Variants in RCSD1 observed in about 807,000 individuals in gnomAD.
The protein encoded by RCSD1 is capZ-interacting protein.
A neutral mutation model predicts 42.5 loss-of-function variants in RCSD1; 26 were observed. That is an observed-to-expected ratio of 0.61 (90% CI 0.45 to 0.85). The LOEUF (loss-of-function observed/expected upper bound fraction) is 0.85, where lower values mean the gene tolerates loss of function less well. RCSD1 is among the 40% of genes least tolerant of loss of function. RCSD1 has a pLI of 0.00. For missense variants in RCSD1, 571 were observed against 528.3 expected, an observed-to-expected ratio of 1.08 and a Z score of -0.79; for synonymous variants, 220 against 212.2, an observed-to-expected ratio of 1.04 and a Z score of -0.32.
chr1:167,663,599 A>T (rs1040261784), intron 1 of RCSD1: 5 of 152,126 alleles, frequency 3.3e-5, no homozygotes, highest in Non-Finnish European at 5.9e-5. Flanking sequence ...GGTTCCAAAG[A>T]CTCCCATTTG....
intron 1 of RCSD1, among the ~76,000 whole-genome samples, chr1:167,660,134 C>T (rs184878875): frequency 2.4e-4 from 37 of 152,316 alleles, no homozygotes; most frequent in African/African-American, 8.2e-4. Flanking sequence ...GTGTGCCAAG[C>T]TCTGTGTTAA....
chr1:167,643,349 C>A (rs564948983), intron 1 of RCSD1, among the ~76,000 whole-genome samples: 1 of 152,152 alleles, frequency 6.6e-6, no homozygotes, highest in Non-Finnish European at 1.5e-5. Context: ...GCAAAGTGAA[C>A]CTTTCCAATA....
intron 1 of RCSD1, among the ~76,000 whole-genome samples, chr1:167,648,306 T>G (rs1658215226): frequency 6.6e-6 from 1 of 152,250 alleles, no homozygotes; most frequent in Non-Finnish European, 1.5e-5. Context: ...TCTTTTTCCT[T>G]CTTTTGAATT....
intron 1 of RCSD1, among the ~76,000 whole-genome samples, chr1:167,639,456 G>C (rs896854928): frequency 2.0e-5 from 3 of 152,042 alleles, no homozygotes; most frequent in Non-Finnish European, 4.4e-5. Flanking sequence ...AGGGTGGGTA[G>C]GGAGAAGAAC....
At chr1:167,692,506 A>G (rs1659397929) in intron 4 of RCSD1, among the ~76,000 whole-genome samples, 1 of 151,012 alleles carries the variant, frequency 6.6e-6, no homozygotes, top group Admixed American at 6.6e-5. Context: ...TACTCCCCAT[A>G]TGCCGCTTTT....
intron 1 of RCSD1, among the ~76,000 whole-genome samples, chr1:167,682,303 G>A (rs544065305): frequency 6.6e-6 from 1 of 151,958 alleles, no homozygotes; most frequent in South Asian, 2.1e-4. Flanking sequence ...CCAAGTAACT[G>A]AGATTACAGG....
In RCSD1 at chr1:167,707,207, C is replaced by G. The variant is rs1196591426; in HGVS notation, c.*2511C>G. ...CTTCAGTGGCCTCAGAACTCCAGGC[C>G]CCTCACGGAGATCACCCTGAACAAT... On this transcript the variant is annotated 3_prime_UTR_variant, in exon 7 of 7. Coordinates refer to ENST00000367854, the MANE Select transcript of RCSD1 (RefSeq NM_052862.4). 6.6e-6 allele frequency among the ~76,000 whole-genome samples: 1 copy of G among 152,134 alleles called. No individual in the cohort carries two copies. Among genetic ancestry groups the G allele is most frequent in the Non-Finnish European group, 1.5e-5 (1 of 68,032 alleles).
chr1:167,643,638 G>A (rs549757549), intron 1 of RCSD1, among the ~76,000 whole-genome samples: 1 of 152,016 alleles, frequency 6.6e-6, no homozygotes, highest in African/African-American at 2.4e-5. Flanking sequence ...CACACACAGA[G>A]AGCCATATGG....
intron 4 of RCSD1, among the ~76,000 whole-genome samples, chr1:167,692,512 CT>C (rs551268292): frequency 2.4e-4 from 36 of 148,068 alleles, no homozygotes; most frequent in Middle Eastern, 6.8e-3. Context: ...CCATATGCCG[CT>C]TTTTTTTTTA....
At chr1:167,640,982 AC>A (rs887772739) in intron 1 of RCSD1, among the ~76,000 whole-genome samples, 2 of 151,988 alleles carry the variant, frequency 1.3e-5, no homozygotes, top group African/African-American at 4.8e-5. Flanking sequence ...TATTATAACC[AC>A]CCCCCGAGCC....
chr1:167,687,704 C>CGAGGGA (rs1659270758), intron 3 of RCSD1, among the ~76,000 whole-genome samples: 1 of 152,176 alleles, frequency 6.6e-6, no homozygotes, highest in Non-Finnish European at 1.5e-5. Flanking sequence ...GTCAGGCTAC[C>CGAGGGA]CCTCGGTTCC....
chr1:167,630,392 T>C lies in RCSD1; in HGVS notation c.-32T>C. The C allele has an allele frequency of 1.3e-6, 2 of 1,508,960 alleles. No individual in the cohort carries two copies. The highest frequency in any genetic ancestry group is 1.8e-6 in the Non-Finnish European group (2 of 1,124,486). The allele number at this position is 1,508,960 out of a possible 1,614,324, so 93.5% of individuals were successfully genotyped here. On this transcript the variant is annotated 5_prime_UTR_variant, in exon 1 of 7. Transcript: ENST00000367854. ...GTGAGCTCCGGCCCGGGCGAGCGGG[T>C]GCGTCTGCCGCAGAGTCGGCACCTG...
intron 1 of RCSD1, among the ~76,000 whole-genome samples, chr1:167,683,519 AG>A (rs1364679591): frequency 6.6e-6 from 1 of 152,246 alleles, no homozygotes; most frequent in Non-Finnish European, 1.5e-5. Flanking sequence ...AGTTCAATAA[AG>A]GGCATTTGCT....
intron 3 of RCSD1, among the ~76,000 whole-genome samples, chr1:167,686,766 C>T (rs1050290712): frequency 6.6e-6 from 1 of 152,224 alleles, no homozygotes; most frequent in African/African-American, 2.4e-5. Flanking sequence ...ATCAACTTCT[C>T]CTTGTAACCT....
chr1:167,676,681 T>C (rs1658959983), intron 1 of RCSD1, among the ~76,000 whole-genome samples: 1 of 152,242 alleles, frequency 6.6e-6, no homozygotes. Context: ...CTCTTCTCTA[T>C]GGTCCCCTGC....
intron 5 of RCSD1, among the ~76,000 whole-genome samples, chr1:167,695,687 G>C (rs1659483683): frequency 6.6e-6 from 1 of 151,842 alleles, no homozygotes; most frequent in African/African-American, 2.4e-5. Context: ...ACCACACCTT[G>C]TTTTGTATTT....
chr1:167,694,098 G>T lies in RCSD1; in HGVS notation c.271-1G>T, dbSNP rs368944290. ...TGAAATTGTTCATCTTTTCTTGACA[G>T]GCCAATTTAACCTTTGACCCAGCTG... On this transcript the variant is annotated splice_acceptor_variant, in intron 4 of 6. Coordinates refer to ENST00000367854, the MANE Select transcript of RCSD1 (RefSeq NM_052862.4). LOFTEE classifies it high-confidence loss of function. 3.1e-6 allele frequency: 5 copies of T among 1,613,984 alleles called. No individual in the cohort carries two copies. Among genetic ancestry groups the T allele is most frequent in the African/African-American group, 1.3e-5 (1 of 74,924 alleles).
Position 167,704,707 on chromosome 1 carries a change from A to G in RCSD1, c.*11A>G, listed in dbSNP as rs747809389. On this transcript the variant is annotated 3_prime_UTR_variant, in exon 7 of 7. Transcript: ENST00000367854. ...GACACTAAAATGTGAAGAACAGCTC[A>G]TTGTGCCCCAGTGATGAAGTTGCTG... The G allele has an allele frequency of 5.6e-6, 9 of 1,610,192 alleles. No individual in the cohort carries two copies. Among genetic ancestry groups the G allele is most frequent in the Non-Finnish European group, 7.6e-6 (9 of 1,176,924 alleles).
At chr1:167,681,599 G>A (rs1461133159) in intron 1 of RCSD1, among the ~76,000 whole-genome samples, 2 of 152,176 alleles carry the variant, frequency 1.3e-5, no homozygotes, top group African/African-American at 4.8e-5. Context: ...AGTAAGGGAG[G>A]AGCTTTTGAT....
Sources: gnomAD v4.1 joint callset for allele counts (sites outside exome capture counted in the v4.1 genomes callset) on GRCh38, gnomAD v4.1.1 for gene constraint, MANE v1.5 for transcripts, NCBI Gene and HGNC (gene_info 2026-07-23, HGNC 2026-07-21) for gene names.